The following TBCD variants were observed in gnomAD, a reference collection of about 807,000 sequenced individuals.
The protein encoded by TBCD is tubulin folding cofactor D, also known as tubulin-specific chaperone D.
Under a neutral mutation model 169.3 loss-of-function variants are expected in TBCD, and 105 were observed. The observed-to-expected ratio is 0.62, with a 90% CI of 0.53 to 0.73. The LOEUF (loss-of-function observed/expected upper bound fraction) is 0.73, where lower values mean the gene tolerates loss of function less well. Ranked by LOEUF, TBCD falls within the 30% of genes least tolerant of loss-of-function variation. The pLI is 0.00. For synonymous variants in TBCD, 700 were observed against 643.9 expected (o/e 1.09, Z -1.32); for missense variants, 1,444 against 1,600.1 (o/e 0.90, Z 1.66).
chr17:82,930,694 TCACCACGTTCC>T lies in TBCD; in HGVS notation c.3113+55_3113+65del. On this transcript the variant is annotated intron_variant, in intron 33 of 38. Transcript: ENST00000355528. This position sits in a 1 kb window ranked among gnomAD's most constrained non-coding sequence, Gnocchi z 5.2. ...GAGGCGTGAGTGGTGCTGGTGCCTC[TCACCACGTTCC>T]CACAGATTCCCGGGGTCTCGCAGGG... The T allele has an allele frequency of 6.2e-7, 1 of 1,611,318 alleles. No homozygotes were observed. The highest frequency in any genetic ancestry group is 8.5e-7 in the Non-Finnish European group (1 of 1,178,438).
chr17:82,829,216 C>T (rs1018753325), intron 13 of TBCD, among the ~76,000 whole-genome samples: 2 of 151,264 alleles, frequency 1.3e-5, no homozygotes, highest in Non-Finnish European at 3.0e-5. Context: ...CACATCCACA[C>T]GATCAAATGT....
At position 82,806,781 on chromosome 17, in the gene TBCD, C is replaced by T. The variant is rs3791162; in HGVS notation, c.1087+770C>T. 2.0e-3 allele frequency among the ~76,000 whole-genome samples: 310 copies of T among 152,282 alleles called. 3 individuals carry two copies. Among genetic ancestry groups the T allele is most frequent in the African/African-American group, 6.1e-3 (254 of 41,558 alleles). On this transcript the variant is annotated intron_variant, in intron 10 of 38. Transcript: ENST00000355528. This position sits in a 1 kb window ranked among gnomAD's most constrained non-coding sequence, Gnocchi z 5.1. ...GTGACCATCAGGGCGCCTGTGGCAC[C>T]GTTGCCAGCCCCGAGCCAGCATCCA... is the stretch of plus-strand genomic sequence containing the variant.
chr17:82,868,144 C>A (rs374720249), intron 13 of TBCD, among the ~76,000 whole-genome samples: 131 of 152,224 alleles, frequency 8.6e-4, no homozygotes, highest in Middle Eastern at 6.8e-3. Flanking sequence ...CTGGGAATGG[C>A]GCGGTGTCTG....
chr17:82,909,561 C>T (rs980258087), intron 22 of TBCD, among the ~76,000 whole-genome samples: 16 of 146,920 alleles, frequency 1.1e-4, no homozygotes, highest in South Asian at 4.4e-4. Flanking sequence ...TTGGGTTGAG[C>T]GGGTGGGTGT....
intron 27 of TBCD, among the ~76,000 whole-genome samples, chr17:82,925,291 C>A (rs1022209742): frequency 1.3e-5 from 2 of 152,204 alleles, no homozygotes; most frequent in African/African-American, 2.4e-5. Context: ...CTTGAAAAAG[C>A]TGAATTCTGG....
chr17:82,898,623 G>T (rs2059658674), intron 17 of TBCD, among the ~76,000 whole-genome samples: 1 of 25,468 alleles, frequency 3.9e-5, no homozygotes, highest in South Asian at 2.6e-3. Context: ...GGTAAGATCA[G>T]TTGCGGTTGT....
Position 82,806,346 on chromosome 17 carries a change from G to A in TBCD, c.1087+335G>A, listed in dbSNP as rs1232168276. 6.6e-6 allele frequency among the ~76,000 whole-genome samples: 1 copy of A among 152,082 alleles called. No homozygotes were observed. Among genetic ancestry groups the A allele is most frequent in the African/African-American group, 2.4e-5 (1 of 41,408 alleles). On this transcript the variant is annotated intron_variant, in intron 10 of 38. Transcript: ENST00000355528. This position sits in a 1 kb window ranked among gnomAD's most constrained non-coding sequence, Gnocchi z 5.1. ...TGGGGTCCCTGGGGCTCAGGTCTCT[G>A]GCTCCTTGGCCCCTAAACCCTGCTC... is the stretch of plus-strand genomic sequence containing the variant.
intron 7 of TBCD, among the ~76,000 whole-genome samples, chr17:82,790,297 T>C (rs969497290): frequency 6.6e-6 from 1 of 152,206 alleles, no homozygotes; most frequent in African/African-American, 2.4e-5. Flanking sequence ...CTCTGTCCCA[T>C]GCTGCCTCTG....
rs71168165 is a variant in TBCD at position 82,867,182 on chromosome 17, T to TGG, written c.1319-3037_1319-3036dup. 1.3e-3 allele frequency among the ~76,000 whole-genome samples: 200 copies of TGG among 151,854 alleles called. 2 individuals are homozygous for TGG. The South Asian group carries it at 0.035, about 26-fold the overall frequency. ...CCCCCAGCACCTCCGTGGCCTGGGG[T>TGG]GGGGGGTCTGTGTCCTCCCTTGGGG... On this transcript the variant is annotated intron_variant, in intron 13 of 38. Coordinates refer to ENST00000355528, the MANE Select transcript of TBCD (RefSeq NM_005993.5).
At chr17:82,937,606 G>A (rs2062740228) in intron 35 of TBCD, 10 of 598,472 alleles carry the variant, frequency 1.7e-5, no homozygotes, top group Non-Finnish European at 2.9e-5. Flanking sequence ...CTCTGCCCTG[G>A]CGGGAGGGGA....
intron 18 of TBCD, among the ~76,000 whole-genome samples, chr17:82,902,525 A>G (rs2059960265): frequency 6.6e-6 from 1 of 152,170 alleles, no homozygotes; most frequent in South Asian, 2.1e-4. Flanking sequence ...GTCCTGGCAC[A>G]TGAGACGCCA....
intron 3 of TBCD, among the ~76,000 whole-genome samples, chr17:82,765,479 T>C (rs1014643809): frequency 1.2e-4 from 18 of 152,054 alleles, no homozygotes; most frequent in African/African-American, 4.4e-4. Flanking sequence ...TGTTGGCAGT[T>C]TTGACTATGG....
chr17:82,774,253 T>C (rs759257976), intron 6 of TBCD, among the ~76,000 whole-genome samples: 7 of 152,134 alleles, frequency 4.6e-5, no homozygotes, highest in Non-Finnish European at 1.0e-4. Flanking sequence ...GTGATGACTC[T>C]TAAGGAGCAT....
At chr17:82,870,194 C>A in intron 13 of TBCD, 30 bp from the exon 14 acceptor site, 1 of 1,611,666 alleles carries the variant, frequency 6.2e-7, no homozygotes. Context: ...TGGTCTGCTC[C>A]TCACCGTCTT....
At chr17:82,914,709 C>T (rs933071207) in intron 23 of TBCD, among the ~76,000 whole-genome samples, 1 of 151,832 alleles carries the variant, frequency 6.6e-6, no homozygotes, top group African/African-American at 2.4e-5. Flanking sequence ...GCTCCTTCCC[C>T]TCCATGGCCT....
In TBCD at chr17:82,752,155, G is replaced by A. The variant is rs1299133768; in HGVS notation, c.-39G>A. 4.7e-6 allele frequency: 7 copies of A among 1,474,628 alleles called. No homozygotes were observed. The highest frequency in any genetic ancestry group is 1.5e-5 in the African/African-American group (1 of 67,642). 91.3% of individuals were successfully genotyped at this position (1,474,628 alleles called of 1,614,324 possible). On this transcript the variant is annotated 5_prime_UTR_variant, in exon 1 of 39. Transcript: ENST00000355528. ...CGCGCTCTAGCGGAGTGGGATCTGC[G>A]AACACGTGAGGCGGGGGCGCGGTCC...
chr17:82,784,444 G>T lies in TBCD; in HGVS notation c.771+2723G>T, dbSNP rs183835093. ...TGGAGGTCAGGGCAGGCTGAGGCTG[G>T]CCTTGAAGGGTACGGGGGTGGAGGG... On this transcript the variant is annotated intron_variant, in intron 7 of 38. Transcript: ENST00000355528. Among the ~76,000 whole-genome samples the T allele has an allele frequency of 1.2e-3, 180 of 152,298 alleles. 1 individual carries two copies. Among genetic ancestry groups the T allele is most frequent in the Non-Finnish European group, 2.2e-4 (15 of 68,026 alleles).
At chr17:82,836,698 A>G (rs539352139) in intron 13 of TBCD, among the ~76,000 whole-genome samples, 1 of 143,178 alleles carries the variant, frequency 7.0e-6, no homozygotes, top group South Asian at 2.1e-4. Flanking sequence ...AAAAAAAAAA[A>G]CAAAACAAAA....
At chr17:82,768,635 G>T in intron 5 of TBCD, 69 bp downstream of exon 5, 6 of 1,549,044 alleles carry the variant, frequency 3.9e-6, no homozygotes, top group Non-Finnish European at 5.3e-6. Flanking sequence ...CTTGATGTTA[G>T]TGGTTTACTC....
Sources: allele counts gnomAD v4.1 joint callset (sites outside exome capture counted in the v4.1 genomes callset), GRCh38; gene constraint gnomAD v4.1.1; non-coding constraint Gnocchi (gnomAD v3.1); transcripts MANE v1.5; gene names NCBI Gene and HGNC (gene_info 2026-07-23, HGNC 2026-07-21).